Variants in CYREN observed in about 807,000 individuals in gnomAD.
The protein encoded by CYREN is cell cycle regulator of NHEJ.
A neutral mutation model predicts 9.7 loss-of-function variants in CYREN; 7 were observed. The observed-to-expected ratio is 0.72, with a 90% CI of 0.41 to 1.36. The LOEUF (loss-of-function observed/expected upper bound fraction) is 1.36. Ranked by LOEUF, CYREN falls within the 40% of genes most tolerant of loss-of-function variation. CYREN has a pLI of 0.01. For synonymous variants in CYREN, 76 were observed against 77.9 expected, an observed-to-expected ratio of 0.98 and a Z score of 0.13; for missense variants, 215 against 198.1, an observed-to-expected ratio of 1.09 and a Z score of -0.51.
At chr7:135,147,953 G>A in intron 2 of CYREN, 5 of 455,048 alleles carry the variant, frequency 1.1e-5, no homozygotes, top group South Asian at 6.2e-5. Flanking sequence ...TGTCATAATG[G>A]ACAATAAAAA....
At chr7:135,127,778 G>C (rs1828096142) in intron 2 of CYREN, among the ~76,000 whole-genome samples, 1 of 152,096 alleles carries the variant, frequency 6.6e-6, no homozygotes, top group Non-Finnish European at 1.5e-5. Flanking sequence ...GATTCCTCAA[G>C]GATCTAGAAC....
chr7:135,156,949 C>T (rs1829810455), intron 2 of CYREN, among the ~76,000 whole-genome samples: 1 of 152,196 alleles, frequency 6.6e-6, no homozygotes, highest in Non-Finnish European at 1.5e-5. Context: ...ATCAGGGTTT[C>T]TGCTTTTGCT....
At chr7:135,172,440 A>G (rs1338953794), upstream of CYREN, among the ~76,000 whole-genome samples, 1 of 131,284 alleles carries the variant, frequency 7.6e-6, no homozygotes, top group East Asian at 2.7e-4. Context: ...GTCTTGTGGT[A>G]TGTGTGGTGT....
At chr7:135,098,447 C>T (rs1483695678) in intron 2 of CYREN, among the ~76,000 whole-genome samples, 1 of 152,152 alleles carries the variant, frequency 6.6e-6, no homozygotes, top group Non-Finnish European at 1.5e-5. Flanking sequence ...AAAGTCTGCA[C>T]GTGTTTGGTA....
At chr7:135,129,180 G>C in intron 2 of CYREN, 1 of 1,436,092 alleles carries the variant, frequency 7.0e-7, no homozygotes, top group Middle Eastern at 1.7e-4. Context: ...CCTGATGGCA[G>C]ATGTGGTGTA....
At chr7:135,163,423 T>C (rs1209913479), downstream of CYREN, among the ~76,000 whole-genome samples, 1 of 151,810 alleles carries the variant, frequency 6.6e-6, no homozygotes, top group Non-Finnish European at 1.5e-5. Flanking sequence ...GGGTGGATCA[T>C]TTGAGGTCAG....
rs573878648 is a variant in CYREN, at chr7:135,156,209, T to C, written n.356+12540A>G. Reference sequence around the variant, plus strand: ...TTCACTTGACTTCAGACATTTTGAATATGCCATGGTGAGGTCCTTTTGCAA... The same window carrying C: ...TTCACTTGACTTCAGACATTTTGAACATGCCATGGTGAGGTCCTTTTGCAA... On this transcript the variant is annotated intron_variant and non_coding_transcript_variant, in intron 2 of 2. Transcript: ENST00000459937. Among the ~76,000 whole-genome samples the C allele has an allele frequency of 5.5e-4, 84 of 152,220 alleles. 1 individual carries two copies. The highest frequency in any genetic ancestry group is 1.0e-3 in the Non-Finnish European group (70 of 68,038).
intron 2 of CYREN, among the ~76,000 whole-genome samples, chr7:135,127,879 T>C (rs1828110939): frequency 6.6e-6 from 1 of 152,174 alleles, no homozygotes; most frequent in African/African-American, 2.4e-5. Flanking sequence ...TGCACACATA[T>C]GTTTATTGCA....
chr7:135,147,800 GT>G (rs1328256486), intron 2 of CYREN: 9 of 456,084 alleles, frequency 2.0e-5, no homozygotes, highest in Non-Finnish European at 4.0e-5. Context: ...TCCGGGTTGT[GT>G]TTATCTTGCA....
intron 2 of CYREN, among the ~76,000 whole-genome samples, chr7:135,133,762 T>C (rs1829106180): frequency 6.6e-6 from 1 of 152,080 alleles, no homozygotes; most frequent in African/African-American, 2.4e-5. Context: ...ATACAAAAAT[T>C]AACTCACAAA....
intron 2 of CYREN, among the ~76,000 whole-genome samples, chr7:135,095,612 A>G (rs758506260): frequency 3.9e-5 from 6 of 152,208 alleles, no homozygotes; most frequent in Non-Finnish European, 7.3e-5. Flanking sequence ...TACAAAAGCC[A>G]TATGTTATCT....
At chr7:135,164,510 G>A, downstream of CYREN, 1 of 1,613,448 alleles carries the variant, frequency 6.2e-7, no homozygotes. Flanking sequence ...TCGTGATTGT[G>A]GTCATCTGCC....
intron 2 of CYREN, among the ~76,000 whole-genome samples, chr7:135,129,874 T>A (rs6467575): frequency 0.49 from 73,769 of 152,014 alleles, 18,263 homozygotes; most frequent in South Asian, 0.66. Flanking sequence ...ATACATTTTT[T>A]AATGCAAGTT....
chr7:135,135,107 C>T, intron 2 of CYREN: 2 of 1,551,124 alleles, frequency 1.3e-6, no homozygotes, highest in Non-Finnish European at 1.7e-6. Flanking sequence ...GGAATGGATG[C>T]AAATGTTCTA....
upstream of CYREN, among the ~76,000 whole-genome samples, chr7:135,171,127 G>A (rs1485132034): frequency 2.6e-5 from 4 of 152,106 alleles, no homozygotes; most frequent in East Asian, 7.7e-4. Flanking sequence ...CTAATTAAGT[G>A]GAAAATTAAG....
intron 2 of CYREN, among the ~76,000 whole-genome samples, chr7:135,110,324 T>A (rs1191056955): frequency 6.6e-6 from 1 of 152,212 alleles, no homozygotes; most frequent in Non-Finnish European, 1.5e-5. Context: ...CCTAGGGGTA[T>A]GTACAGAGGT....
intron 2 of CYREN, chr7:135,115,680 A>G: frequency 7.8e-7 from 1 of 1,277,120 alleles, no homozygotes; most frequent in Non-Finnish European, 1.1e-6. Context: ...GGGCTTATTA[A>G]TTTATTATCC....
chr7:135,115,273 A>G, intron 2 of CYREN: 1 of 675,152 alleles, frequency 1.5e-6, no homozygotes, highest in South Asian at 2.2e-5. Flanking sequence ...TACAAGCTTC[A>G]GATGGGCAAG....
At chr7:135,107,440 C>T (rs1163055899) in intron 2 of CYREN, among the ~76,000 whole-genome samples, 1 of 152,160 alleles carries the variant, frequency 6.6e-6, no homozygotes, top group Non-Finnish European at 1.5e-5. Flanking sequence ...TTAAAAAGAG[C>T]TTCTTGATTT....
Sources: allele counts gnomAD v4.1 joint callset (sites outside exome capture counted in the v4.1 genomes callset), GRCh38; gene constraint gnomAD v4.1.1; transcripts MANE v1.5; gene names NCBI Gene and HGNC (gene_info 2026-07-23, HGNC 2026-07-21).